The following R3HDM1 variants were observed in gnomAD, a reference collection of about 807,000 sequenced individuals.
The protein encoded by R3HDM1 is R3H domain-containing protein 1.
Under a neutral mutation model 141.1 loss-of-function variants are expected in R3HDM1, and 46 were observed. That is an observed-to-expected ratio of 0.33 (90% CI 0.26 to 0.42). The LOEUF (loss-of-function observed/expected upper bound fraction) is 0.42, where lower values mean the gene tolerates loss of function less well. Among genes scored for constraint, R3HDM1 ranks in the 10% least tolerant of loss-of-function variants. The probability of loss-of-function intolerance (pLI) is 1.00; values close to 1 mark genes in which losing one functional copy is unlikely to be tolerated. For missense variants in R3HDM1, 1,184 were observed against 1,368.3 expected (o/e 0.87, Z 2.12); for synonymous variants, 435 against 472.9 (o/e 0.92, Z 1.04).
At position 135,547,226 on chromosome 2, in the gene R3HDM1, C is replaced by CT. The variant is rs1394615304; in HGVS notation, c.-250+15600dup. Among the ~76,000 whole-genome samples the CT allele has an allele frequency of 6.6e-5, 10 of 152,160 alleles. No homozygotes were observed. The East Asian group carries it at 1.9e-3, about 29-fold the overall frequency. ...CTAAAATTAAATTAATTTTTTAGAA[C>CT]TTTTTTTAAGTAGCATTTTTAAAAA... On this transcript the variant is annotated intron_variant, in intron 1 of 26. Transcript: ENST00000683871.
At chr2:135,715,452 G>T in intron 23 of R3HDM1, 98 bp from the exon 24 acceptor site, 2 of 1,328,496 alleles carry the variant, frequency 1.5e-6, no homozygotes, top group Non-Finnish European at 2.0e-6. Context: ...TATAATGTTT[G>T]AATTATTTTC....
In R3HDM1 at chr2:135,596,998, G is replaced by C. The variant is rs979771388; in HGVS notation, c.-249-5502G>C. The C allele has an allele frequency of 5.1e-6, 5 of 981,204 alleles. No individual in the cohort carries two copies. In the Admixed American group the frequency reaches 2.5e-4, roughly 48 times the overall value. The allele number at this position is 981,204 out of a possible 1,614,324, so 60.8% of individuals were successfully genotyped here. On this transcript the variant is annotated intron_variant, in intron 1 of 26. Transcript: ENST00000683871. Reference sequence around the variant, plus strand: ...ATTGTTTTCTAAAGTGGATCACAATGTATGAGAGGCCCATTGTCTTCCCCA... The same window carrying C: ...ATTGTTTTCTAAAGTGGATCACAATCTATGAGAGGCCCATTGTCTTCCCCA...
intron 5 of R3HDM1, among the ~76,000 whole-genome samples, chr2:135,618,307 C>T (rs2061232855): frequency 6.6e-6 from 1 of 151,812 alleles, no homozygotes; most frequent in Non-Finnish European, 1.5e-5. Context: ...ATTATAGGCA[C>T]CCGCCACCAC....
chr2:135,629,174 G>A (rs1021959880), intron 7 of R3HDM1, among the ~76,000 whole-genome samples: 6 of 151,964 alleles, frequency 3.9e-5, no homozygotes, highest in Non-Finnish European at 7.4e-5. Context: ...AAAATTTGCC[G>A]GGTGTGGTGG....
At chr2:135,655,789 T>C (rs7608045) in intron 18 of R3HDM1, among the ~76,000 whole-genome samples, 74,625 of 151,886 alleles carry the variant, frequency 0.49, 23,046 homozygotes, top group East Asian at 0.88. Context: ...CCACCGCACC[T>C]GGCCTACTCT....
At chr2:135,681,562 G>T (rs1403450158) in intron 21 of R3HDM1, among the ~76,000 whole-genome samples, 1 of 152,144 alleles carries the variant, frequency 6.6e-6, no homozygotes, top group Non-Finnish European at 1.5e-5. Context: ...TGATTGGCAG[G>T]TTGGAAAAAT....
chr2:135,615,157 T>G (rs961206351), intron 3 of R3HDM1, among the ~76,000 whole-genome samples: 29 of 152,176 alleles, frequency 1.9e-4, no homozygotes, highest in Non-Finnish European at 4.0e-4. Context: ...GAAGAACTTT[T>G]GGCTCAAAAT....
At chr2:135,672,780 T>G (rs2068595561) in intron 19 of R3HDM1, among the ~76,000 whole-genome samples, 1 of 152,002 alleles carries the variant, frequency 6.6e-6, no homozygotes, top group East Asian at 1.9e-4. Context: ...TTAGTGGGCA[T>G]GGATATTAAT....
intron 21 of R3HDM1, among the ~76,000 whole-genome samples, chr2:135,706,379 GT>G (rs1420400785): frequency 7.2e-6 from 1 of 138,838 alleles, no homozygotes; most frequent in Non-Finnish European, 1.5e-5. Context: ...TTTTGTTTTT[GT>G]TTTTGTTTTT....
chr2:135,690,188 C>T (rs1180894247), intron 21 of R3HDM1, among the ~76,000 whole-genome samples: 1 of 151,606 alleles, frequency 6.6e-6, no homozygotes, highest in African/African-American at 2.4e-5. Context: ...CTTGTGATAC[C>T]TCTCTTGTAT....
At chr2:135,562,948 G>T (rs116633230) in intron 1 of R3HDM1, among the ~76,000 whole-genome samples, 7 of 152,068 alleles carry the variant, frequency 4.6e-5, no homozygotes, top group Non-Finnish European at 1.0e-4. Flanking sequence ...TAACTAGGGC[G>T]ACCACATTAC....
At chr2:135,540,465 G>T (rs6722924) in intron 1 of R3HDM1, among the ~76,000 whole-genome samples, 13,931 of 152,256 alleles carry the variant, frequency 0.091, 881 homozygotes, top group South Asian at 0.31. Flanking sequence ...TTGCTCTGTT[G>T]CCCAGGTTGG....
At position 135,680,209 on chromosome 2, in the gene R3HDM1, C is replaced by A. The variant is rs746910174; in HGVS notation, c.2344C>A (p.Gln782Lys). ...TCAAGGTTCTCAAGGAATTCCCCAT[C>A]AGACTTATCAACAGCCTGTTATGTT... is the stretch of plus-strand genomic sequence containing the variant. The part of the protein sequence containing the change: ...LPQGSQGIPH[Q>K]TYQQPVMFPN... The change falls in exon 21 of 27, where the codon CAG becomes AAG. Residue 782 changes from glutamine to lysine, a missense_variant. Transcript: ENST00000683871. 6.2e-7 allele frequency: 1 copy of A among 1,613,782 alleles called. No individual in the cohort carries two copies. Among genetic ancestry groups the A allele is most frequent in the South Asian group, 1.1e-5 (1 of 91,074 alleles).
At chr2:135,563,331 G>C (rs1702129445) in intron 1 of R3HDM1, among the ~76,000 whole-genome samples, 1 of 152,158 alleles carries the variant, frequency 6.6e-6, no homozygotes, top group Non-Finnish European at 1.5e-5. Flanking sequence ...AAACTTTGGT[G>C]CATTTCCTGA....
intron 1 of R3HDM1, among the ~76,000 whole-genome samples, chr2:135,544,311 A>G (rs1698239089): frequency 6.6e-6 from 1 of 152,194 alleles, no homozygotes; most frequent in African/African-American, 2.4e-5. Context: ...GTTGACTCCC[A>G]AAAAAGGACA....
At chr2:135,675,276 AATCTTACTAG>A in intron 19 of R3HDM1, 46 bp from the exon 20 acceptor site, 1 of 1,484,636 alleles carries the variant, frequency 6.7e-7, no homozygotes, top group Non-Finnish European at 9.1e-7. Flanking sequence ...TTTTTTTTTA[AATCTTACTAG>A]ATGAAATGAA....
At chr2:135,634,941 A>C (rs1295382552) in intron 9 of R3HDM1, among the ~76,000 whole-genome samples, 1 of 152,162 alleles carries the variant, frequency 6.6e-6, no homozygotes, top group Non-Finnish European at 1.5e-5. Flanking sequence ...TTGGGAGGTG[A>C]AATTTTATAT....
chr2:135,663,760 C>T (rs2067074025), intron 19 of R3HDM1, among the ~76,000 whole-genome samples: 1 of 152,100 alleles, frequency 6.6e-6, no homozygotes, highest in Non-Finnish European at 1.5e-5. Flanking sequence ...GGCACGGTGG[C>T]TCACACCTGT....
chr2:135,650,994 A>G, intron 17 of R3HDM1: 1 of 985,434 alleles, frequency 1.0e-6, no homozygotes, highest in Non-Finnish European at 1.2e-6. Context: ...CTGGAACAAT[A>G]AGAGCTGGTC....
Sources: allele counts gnomAD v4.1 joint callset (sites outside exome capture counted in the v4.1 genomes callset), GRCh38; gene constraint gnomAD v4.1.1; transcripts MANE v1.5; gene names NCBI Gene and HGNC (gene_info 2026-07-23, HGNC 2026-07-21).